The following TMEM144 variants were observed in gnomAD, a reference collection of about 807,000 sequenced individuals.
TMEM144 encodes the protein transmembrane protein 144.
A neutral mutation model predicts 43.6 loss-of-function variants in TMEM144; 39 were observed. The ratio of observed to expected loss-of-function variants is 0.90; its 90% confidence interval spans 0.69 to 1.17. The LOEUF is 1.17. Among genes scored for constraint, TMEM144 ranks in the 50% most tolerant of loss-of-function variants. TMEM144 has a pLI of 0.00. For synonymous variants in TMEM144, 154 were observed against 133.6 expected (o/e 1.15, Z -1.06); for missense variants, 417 against 411.9 (o/e 1.01, Z -0.11).
At chr4:158,229,390 C>G (rs2111123733) in intron 6 of TMEM144, among the ~76,000 whole-genome samples, 1 of 152,164 alleles carries the variant, frequency 6.6e-6, no homozygotes, top group East Asian at 1.9e-4. Context: ...GGATCTCGGA[C>G]CCCAAGAGGC....
At chr4:158,224,348 A>AT (rs1205237971) in intron 6 of TMEM144, among the ~76,000 whole-genome samples, 15 of 152,134 alleles carry the variant, frequency 9.9e-5, no homozygotes, top group African/African-American at 2.9e-4. Flanking sequence ...AATTTCTCCC[A>AT]TTCTGTAGGT....
chr4:158,227,380 T>C (rs1377023283), intron 6 of TMEM144, among the ~76,000 whole-genome samples: 2 of 152,206 alleles, frequency 1.3e-5, no homozygotes, highest in Admixed American at 1.3e-4. Context: ...GCCTCAGTGC[T>C]TTCAGGATAC....
chr4:158,248,420 T>C (rs1214529518), intron 12 of TMEM144, among the ~76,000 whole-genome samples: 1 of 152,068 alleles, frequency 6.6e-6, no homozygotes, highest in African/African-American at 2.4e-5. Context: ...CTAGACTCTG[T>C]CTCAAAATAA....
chr4:158,238,094 G>C (rs1363477477), intron 9 of TMEM144, among the ~76,000 whole-genome samples: 1 of 152,178 alleles, frequency 6.6e-6, no homozygotes, highest in Non-Finnish European at 1.5e-5. Flanking sequence ...AATGCTTCCT[G>C]TTAATATCTC....
chr4:158,233,150 T>A lies in TMEM144; in HGVS notation c.495+168T>A, dbSNP rs1735167767. On this transcript the variant is annotated intron_variant, in intron 7 of 12. Coordinates refer to ENST00000296529, the MANE Select transcript of TMEM144 (RefSeq NM_018342.5). ...GTAGGTCTATGTAGCAATCAATCAA[T>A]ATTTCCGCAGTTGAGCTTCTCAGCA... 3 of 511,450 alleles carry A rather than the reference T, an allele frequency of 5.9e-6. No individual in the cohort carries two copies. In the South Asian group the frequency reaches 1.0e-4, roughly 18 times the overall value. 31.7% of individuals were successfully genotyped at this position (511,450 alleles called of 1,614,324 possible). A position where few individuals can be genotyped will look rare whatever the true frequency, so the allele number is the denominator to read the frequency against.
At chr4:158,217,156 A>G (rs1734262633) in intron 4 of TMEM144, among the ~76,000 whole-genome samples, 165 bp from the exon 5 acceptor site, 1 of 152,164 alleles carries the variant, frequency 6.6e-6, no homozygotes, top group Non-Finnish European at 1.5e-5. Context: ...CATAAATTTA[A>G]TGCCAAAAAT....
At chr4:158,246,050 G>A (rs62335899) in intron 12 of TMEM144, among the ~76,000 whole-genome samples, 14,273 of 152,210 alleles carry the variant, frequency 0.094, 767 homozygotes, top group Middle Eastern at 0.13. Context: ...AGGATCACTT[G>A]AGCCTAGGAG....
At chr4:158,253,392 G>A in intron 12 of TMEM144, 52 bp from the exon 13 acceptor site, 5 of 1,446,280 alleles carry the variant, frequency 3.5e-6, no homozygotes, top group South Asian at 2.3e-5. Flanking sequence ...TGTCCATTTT[G>A]TGTAATTGAT....
At chr4:158,229,317 G>A (rs1030262667) in intron 6 of TMEM144, among the ~76,000 whole-genome samples, 1 of 152,172 alleles carries the variant, frequency 6.6e-6, no homozygotes, top group African/African-American at 2.4e-5. Context: ...TTGCTCCCGC[G>A]CTTAGAGATG....
chr4:158,242,485 T>C (rs1735680617), intron 11 of TMEM144, among the ~76,000 whole-genome samples: 1 of 152,212 alleles, frequency 6.6e-6, no homozygotes, highest in Non-Finnish European at 1.5e-5. Flanking sequence ...ACCTATCACC[T>C]AGTTTCAACA....
chr4:158,211,188 T>TA (rs1314881621), intron 1 of TMEM144: 3 of 152,362 alleles, frequency 2.0e-5, no homozygotes, highest in African/African-American at 7.2e-5. Context: ...AAACTTCATT[T>TA]ATCTATAGGT....
At chr4:158,253,411 T>G in intron 12 of TMEM144, 33 bp from the exon 13 acceptor site, 2 of 1,546,928 alleles carry the variant, frequency 1.3e-6, no homozygotes, top group African/African-American at 2.7e-5. Context: ...ATTCAGGCCT[T>G]ATTCATCACT....
intron 5 of TMEM144, among the ~76,000 whole-genome samples, 189 bp from the exon 6 acceptor site, chr4:158,219,121 A>T (rs539536053): frequency 8.7e-4 from 132 of 151,872 alleles, no homozygotes; most frequent in Non-Finnish European, 1.5e-3. Context: ...TCAAAAAAAA[A>T]TTTTTTTTTA....
At chr4:158,244,606 G>T (rs1315159297) in intron 12 of TMEM144, among the ~76,000 whole-genome samples, 1 of 152,124 alleles carries the variant, frequency 6.6e-6, no homozygotes, top group Non-Finnish European at 1.5e-5. Context: ...GGAGGCGGAG[G>T]TTGCAGTGAG....
At position 158,217,385 on chromosome 4, in the gene TMEM144, A is replaced by G; in HGVS notation, c.297A>G (p.Gly99=). 6.2e-7 allele frequency: 1 copy of G among 1,613,288 alleles called. No homozygotes were observed. The highest frequency in any genetic ancestry group is 8.5e-7 in the Non-Finnish European group (1 of 1,179,450). ...TAGGCCTTGGAATCTTAATCTGGGG[A>G]TCATTTAATGCCTTAACTGGCTGGG... The part of the protein sequence containing the change: ...IGLGLGILIW[G]SFNALTGWAS... The change falls in exon 5 of 13, where the codon GGA becomes GGG. Residue 99 remains glycine, a synonymous_variant. Coordinates refer to ENST00000296529, the MANE Select transcript of TMEM144 (RefSeq NM_018342.5).
chr4:158,249,095 C>T (rs1329713574), intron 12 of TMEM144, among the ~76,000 whole-genome samples: 6 of 152,008 alleles, frequency 3.9e-5, no homozygotes, highest in Admixed American at 2.6e-4. Context: ...TTAGTAGAGA[C>T]GGGGTTTCAC....
At chr4:158,232,477 T>C (rs768842847) in intron 6 of TMEM144, among the ~76,000 whole-genome samples, 1 of 152,228 alleles carries the variant, frequency 6.6e-6, no homozygotes, top group Non-Finnish European at 1.5e-5. Flanking sequence ...TTCTCCTCTG[T>C]GTGAGTTATA....
intron 12 of TMEM144, among the ~76,000 whole-genome samples, chr4:158,245,254 GTGTGTGTGTA>G (rs751020791): frequency 0.13 from 14,713 of 115,588 alleles, 847 homozygotes; most frequent in African/African-American, 0.18. Flanking sequence ...GTGTGTGTGT[GTGTGTGTGTA>G]TGTATGTTTT....
In TMEM144 at chr4:158,224,498, T is replaced by G. The variant is rs1309906975; in HGVS notation, c.413+5108T>G. ...AGATGAGTCATAAAACACATCAGGT[T>G]GGTCATTTCCTGGGCTACATACCTT... On this transcript the variant is annotated intron_variant, in intron 6 of 12. Coordinates refer to ENST00000296529, the MANE Select transcript of TMEM144 (RefSeq NM_018342.5). 2.0e-5 allele frequency among the ~76,000 whole-genome samples: 3 copies of G among 152,320 alleles called. No homozygotes were observed. In the East Asian group the frequency reaches 5.8e-4, roughly 29 times the overall value.
Sources: gnomAD v4.1 joint callset for allele counts (sites outside exome capture counted in the v4.1 genomes callset) on GRCh38, gnomAD v4.1.1 for gene constraint, MANE v1.5 for transcripts, NCBI Gene and HGNC (gene_info 2026-07-23, HGNC 2026-07-21) for gene names.